NHSL3: variants seen among roughly 807,000 people sequenced by gnomAD.
NHSL3 encodes NHS-like protein 3.
chr1:32,768,614 G>A, the NHSL3 span: 2 of 1,610,200 alleles, frequency 1.2e-6, no homozygotes, highest in Non-Finnish European at 1.7e-6. Flanking sequence ...GGAGCCTTGA[G>A]GAGACAGCCC....
At chr1:32,752,938 CACACACACACACATATAT>C in the NHSL3 span, among the ~76,000 whole-genome samples, 38 of 38,416 alleles carry the variant, frequency 9.9e-4, 2 homozygotes, top group East Asian at 1.0e-2. Flanking sequence ...CACACACACA[CACACACACACACATATAT>C]ATATATATAT....
chr1:32,754,025 T>A, the NHSL3 span: 1 of 544,092 alleles, frequency 1.8e-6, no homozygotes, highest in Non-Finnish European at 3.3e-6. Flanking sequence ...CTCCCGGGGC[T>A]GCGGGCCCGG....
chr1:32,770,811 G>A, the NHSL3 span: 1 of 1,599,482 alleles, frequency 6.3e-7, no homozygotes, highest in East Asian at 2.2e-5. The surrounding 1 kb of genome is among the most constrained non-coding windows in gnomAD (Gnocchi z 8.3). Flanking sequence ...GCTCAGAAGG[G>A]GCGGGGGCAG....
the NHSL3 span, chr1:32,767,763 T>G: frequency 3.8e-6 from 6 of 1,585,600 alleles, no homozygotes; most frequent in Non-Finnish European, 5.2e-6. Context: ...TTACCTCATT[T>G]CCCTTCCTCC....
At chr1:32,757,697 C>T in the NHSL3 span, among the ~76,000 whole-genome samples, 2 of 152,186 alleles carry the variant, frequency 1.3e-5, no homozygotes, top group East Asian at 1.9e-4. Flanking sequence ...AGGCTATTCT[C>T]CCATTTTAGA....
chr1:32,765,065 T>G, the NHSL3 span, among the ~76,000 whole-genome samples: 7 of 152,212 alleles, frequency 4.6e-5, no homozygotes, highest in Non-Finnish European at 1.0e-4. Flanking sequence ...TTTACTGTGT[T>G]TCTCTGGGCT....
At chr1:32,751,734 G>C in the NHSL3 span, among the ~76,000 whole-genome samples, 2 of 152,176 alleles carry the variant, frequency 1.3e-5, no homozygotes, top group African/African-American at 4.8e-5. Context: ...CAAGGTGGAA[G>C]AGGGGATGGC....
At chr1:32,761,833 C>T in the NHSL3 span, among the ~76,000 whole-genome samples, 3 of 151,918 alleles carry the variant, frequency 2.0e-5, no homozygotes, top group African/African-American at 7.3e-5. Flanking sequence ...TGGATCTGGC[C>T]TAAGAGGGGA....
the NHSL3 span, among the ~76,000 whole-genome samples, chr1:32,747,414 C>A: frequency 6.6e-6 from 1 of 151,922 alleles, no homozygotes. Context: ...ACCTCATGAT[C>A]CGCCCGCCTT....
At chr1:32,770,191 C>G in the NHSL3 span, 1 of 1,604,174 alleles carries the variant, frequency 6.2e-7, no homozygotes, top group Non-Finnish European at 8.5e-7. This position sits in a 1 kb window ranked among gnomAD's most constrained non-coding sequence, Gnocchi z 8.3. Flanking sequence ...TGCAGAGCCC[C>G]TGAGCCCGGC....
At chr1:32,745,521 G>C in the NHSL3 span, among the ~76,000 whole-genome samples, 1 of 141,440 alleles carries the variant, frequency 7.1e-6, no homozygotes, top group Non-Finnish European at 1.5e-5. Flanking sequence ...TTGCACCACT[G>C]TACTCCAGCC....
the NHSL3 span, chr1:32,770,708 G>A: frequency 1.2e-5 from 19 of 1,542,932 alleles, no homozygotes; most frequent in South Asian, 2.5e-5. The surrounding 1 kb of genome is among the most constrained non-coding windows in gnomAD (Gnocchi z 8.3). Context: ...CTCCATCAGC[G>A]GGGCTTAGCA....
the NHSL3 span, among the ~76,000 whole-genome samples, chr1:32,763,279 C>T: frequency 4.6e-5 from 7 of 152,002 alleles, no homozygotes; most frequent in African/African-American, 7.2e-5. Context: ...CCACCGTGCA[C>T]GGCCAGAATA....
the NHSL3 span, chr1:32,768,059 C>T: frequency 6.2e-7 from 1 of 1,613,978 alleles, no homozygotes; most frequent in Non-Finnish European, 8.5e-7. Flanking sequence ...TGGTGTCTTC[C>T]AGAGAAACAG....
At chr1:32,765,730 C>T in the NHSL3 span, 3 of 1,545,972 alleles carry the variant, frequency 1.9e-6, no homozygotes, top group Non-Finnish European at 8.7e-7. Context: ...TCTGGAGAGG[C>T]AGGGTGGGAT....
chr1:32,768,735 G>C, the NHSL3 span: 1 of 1,614,124 alleles, frequency 6.2e-7, no homozygotes, highest in Non-Finnish European at 8.5e-7. Context: ...CCACAGCAGA[G>C]GACGCGCTCT....
chr1:32,763,320 C>T, the NHSL3 span, among the ~76,000 whole-genome samples: 6 of 151,986 alleles, frequency 3.9e-5, no homozygotes, highest in Non-Finnish European at 8.8e-5. Context: ...CCAGCTGAAA[C>T]CCTCAAGGCT....
the NHSL3 span, chr1:32,771,737 C>T: frequency 1.9e-6 from 3 of 1,613,722 alleles, no homozygotes; most frequent in South Asian, 3.3e-5. Flanking sequence ...GGGCATGTGG[C>T]CAAGCTCCCT....
the NHSL3 span, chr1:32,772,072 T>TCC: frequency 6.2e-7 from 1 of 1,612,418 alleles, no homozygotes; most frequent in African/African-American, 1.3e-5. Context: ...GCCTCCCCAG[T>TCC]CCCCTGCCTC....
Sources: gnomAD v4.1 joint callset for allele counts (sites outside exome capture counted in the v4.1 genomes callset) on GRCh38, gnomAD v4.1.1 for gene constraint, Gnocchi (gnomAD v3.1) non-coding constraint, MANE v1.5 for transcripts, NCBI Gene and HGNC (gene_info 2026-07-23, HGNC 2026-07-21) for gene names.